Variants in ARAP2 observed in about 807,000 individuals in gnomAD.
The protein encoded by ARAP2 is ArfGAP with RhoGAP domain, ankyrin repeat and PH domain 2, also known as arf-GAP with Rho-GAP domain, ANK repeat and PH domain-containing protein 2.
Under a neutral mutation model 194.5 loss-of-function variants are expected in ARAP2, and 148 were observed. The observed-to-expected ratio is 0.76, with a 90% CI of 0.67 to 0.87. The LOEUF is 0.87. Ranked by LOEUF, ARAP2 falls within the 40% of genes least tolerant of loss-of-function variation. The pLI is 0.00. For missense variants in ARAP2, 2,128 were observed against 1,989.7 expected (o/e 1.07, Z -1.32); for synonymous variants, 695 against 683.5 (o/e 1.02, Z -0.26).
chr4:36,220,369 C>A (rs1490074760), intron 2 of ARAP2, among the ~76,000 whole-genome samples: 1 of 152,078 alleles, frequency 6.6e-6, no homozygotes, highest in Non-Finnish European at 1.5e-5. Flanking sequence ...CATTGCAACA[C>A]CACAGTACAA....
At chr4:36,221,562 C>T (rs1749175581) in intron 2 of ARAP2, among the ~76,000 whole-genome samples, 1 of 151,716 alleles carries the variant, frequency 6.6e-6, no homozygotes, top group African/African-American at 2.4e-5. Flanking sequence ...ATATCCATTA[C>T]TGGAATTTTT....
chr4:36,124,219 A>C (rs1053577047), intron 22 of ARAP2, among the ~76,000 whole-genome samples: 1 of 151,866 alleles, frequency 6.6e-6, no homozygotes, highest in African/African-American at 2.4e-5. Context: ...AAATTTACTC[A>C]AGAGAGTATT....
At chr4:36,083,551 G>C (rs1730109030) in intron 28 of ARAP2, 101 bp from the exon 29 acceptor site, 3 of 818,296 alleles carry the variant, frequency 3.7e-6, no homozygotes, top group Non-Finnish European at 5.5e-6. Context: ...TAGTTTCTCA[G>C]TGTTTCATAA....
chr4:36,046,028 C>T (rs1211925220), exon 5 of ARAP2: 1 of 152,084 alleles, frequency 6.6e-6, no homozygotes, highest in African/African-American at 2.4e-5. Flanking sequence ...TTTCAGAATG[C>T]CTCACTCCAG....
chr4:36,219,643 T>A (rs141285229), intron 2 of ARAP2, among the ~76,000 whole-genome samples: 378 of 152,334 alleles, frequency 2.5e-3, no homozygotes, highest in Non-Finnish European at 4.1e-3. Flanking sequence ...ATGTAAATTA[T>A]GTCTAGTTGA....
intron 6 of ARAP2, among the ~76,000 whole-genome samples, chr4:36,209,683 AGAATT>A (rs1746316131): frequency 6.6e-6 from 1 of 152,320 alleles, no homozygotes; most frequent in Non-Finnish European, 1.5e-5. Flanking sequence ...TAATCTCAAA[AGAATT>A]TAATAATCCA....
chr4:36,210,788 T>A (rs1388120664), intron 5 of ARAP2, 45 bp from the exon 6 acceptor site: 13 of 1,345,790 alleles, frequency 9.7e-6, no homozygotes, highest in Non-Finnish European at 1.3e-5. Flanking sequence ...CTATATGTGA[T>A]TTAAGACATC....
chr4:36,124,486 C>T (rs1723399295), intron 22 of ARAP2, among the ~76,000 whole-genome samples: 1 of 151,870 alleles, frequency 6.6e-6, no homozygotes, highest in Admixed American at 6.6e-5. Context: ...GGATCAATAG[C>T]CTGATACCAA....
rs1258940398 is a variant in ARAP2 at position 36,188,323 on chromosome 4, T to C, written c.1558-752A>G. ...AAGAAAATTCAGAGTGCTTATACTT[T>C]CAAGGAGCCTCAAAATGAAAACCCA... On this transcript the variant is annotated intron_variant, in intron 7 of 32. Coordinates refer to ENST00000303965, the MANE Select transcript of ARAP2 (RefSeq NM_015230.4). Among the ~76,000 whole-genome samples the C allele has an allele frequency of 4.6e-5, 7 of 152,192 alleles. No homozygotes were observed. In the East Asian group the frequency reaches 1.4e-3, roughly 29 times the overall value.
chr4:36,095,636 C>A (rs866545863), intron 27 of ARAP2, among the ~76,000 whole-genome samples: 3 of 152,102 alleles, frequency 2.0e-5, no homozygotes, highest in Non-Finnish European at 2.9e-5. Context: ...TGACAATGTG[C>A]CACACGTAGA....
intron 27 of ARAP2, among the ~76,000 whole-genome samples, chr4:36,093,601 A>T (rs1219747672): frequency 6.6e-6 from 1 of 152,102 alleles, no homozygotes; most frequent in Non-Finnish European, 1.5e-5. Context: ...CTGCAGAGCT[A>T]ATTGAAGGAG....
intron 26 of ARAP2, among the ~76,000 whole-genome samples, chr4:36,113,707 C>A (rs1720603263): frequency 6.6e-6 from 1 of 151,686 alleles, no homozygotes; most frequent in Non-Finnish European, 1.5e-5. Flanking sequence ...TCCCTTCATC[C>A]CTAGGCATCT....
chr4:36,019,228 C>G (rs965062150), exon 6 of ARAP2: 1 of 149,508 alleles, frequency 6.7e-6, no homozygotes, highest in Non-Finnish European at 1.5e-5. Context: ...ACAAGGAAGA[C>G]CACAATCACT....
chr4:36,203,795 C>T (rs928289999), intron 6 of ARAP2, among the ~76,000 whole-genome samples: 1 of 151,966 alleles, frequency 6.6e-6, no homozygotes, highest in South Asian at 2.1e-4. Flanking sequence ...GTATTTTACT[C>T]TAAATTGACA....
chr4:36,184,197 T>C (rs934475814), intron 8 of ARAP2, among the ~76,000 whole-genome samples: 10 of 152,078 alleles, frequency 6.6e-5, no homozygotes, highest in African/African-American at 2.4e-4. Context: ...TAACACTTTA[T>C]TAAGTGTATT....
chr4:36,235,673 G>C (rs1224297088), intron 1 of ARAP2, among the ~76,000 whole-genome samples: 1 of 152,146 alleles, frequency 6.6e-6, no homozygotes, highest in East Asian at 1.9e-4. Context: ...TTTCTCCCTT[G>C]CTTTGTGATG....
chr4:36,144,201 G>GA (rs903452883), intron 19 of ARAP2, among the ~76,000 whole-genome samples: 1 of 150,292 alleles, frequency 6.7e-6, no homozygotes, highest in African/African-American at 2.4e-5. Context: ...ATAATAACCT[G>GA]AAAAAATGAA....
intron 5 of ARAP2, among the ~76,000 whole-genome samples, chr4:36,023,561 G>A (rs914995356): frequency 2.0e-5 from 3 of 151,984 alleles, no homozygotes; most frequent in Non-Finnish European, 4.4e-5. Context: ...TGAGATTAGA[G>A]ATGTCAACCA....
At chr4:36,158,907 A>G in intron 14 of ARAP2, 43 bp from the exon 15 acceptor site, 2 of 1,544,052 alleles carry the variant, frequency 1.3e-6, no homozygotes, top group Non-Finnish European at 1.7e-6. Flanking sequence ...TCTAAAATGT[A>G]AACAATTTTC....
Sources: allele counts gnomAD v4.1 joint callset (sites outside exome capture counted in the v4.1 genomes callset), GRCh38; gene constraint gnomAD v4.1.1; transcripts MANE v1.5; gene names NCBI Gene and HGNC (gene_info 2026-07-23, HGNC 2026-07-21).